Variants in ANKRD44 observed in about 807,000 individuals in gnomAD.
ANKRD44 encodes ankyrin repeat domain 44, also known as serine/threonine-protein phosphatase 6 regulatory ankyrin repeat subunit B.
Under a neutral mutation model 116.0 loss-of-function variants are expected in ANKRD44, and 35 were observed. The observed-to-expected ratio is 0.30, with a 90% CI of 0.23 to 0.40. ANKRD44 has a LOEUF of 0.40. ANKRD44 is among the 10% of genes least tolerant of loss of function. The probability of loss-of-function intolerance (pLI) is 1.00; values close to 1 mark genes in which losing one functional copy is unlikely to be tolerated. For synonymous variants in ANKRD44, 435 were observed against 461.8 expected (o/e 0.94, Z 0.74); for missense variants, 1,014 against 1,242.6 (o/e 0.82, Z 2.77).
rs752754385 is a variant in ANKRD44, at chr2:197,013,712, C to A, written c.1723G>T (p.Ala575Ser). The change falls in exon 18 of 28, where the codon GCC becomes TCC. Residue 575 changes from alanine (A) to serine (S), a missense_variant and splice_region_variant. Ala to Ser is a moderately conservative substitution (Grantham distance 99). Transcript: ENST00000282272. ...AAGGCTTGATGGTGCCCATTGTAGGCCTGCAAAGAAGAAACCAATGGCTCC... is the reference window on the plus strand; with the variant it reads ...AAGGCTTGATGGTGCCCATTGTAGGACTGCAAAGAAGAAACCAATGGCTCC... ...GATKSPLHLA[A>S]YNGHHQALEV... The A allele has an allele frequency of 1.7e-5, 27 of 1,612,418 alleles. No homozygotes were observed. The South Asian group carries it at 2.7e-4, about 16-fold the overall frequency.
At chr2:197,160,472 C>T (rs1451658881) in intron 2 of ANKRD44, among the ~76,000 whole-genome samples, 1 of 152,114 alleles carries the variant, frequency 6.6e-6, no homozygotes, top group Non-Finnish European at 1.5e-5. Context: ...CAGTGCTTGC[C>T]TGCCTCCTCT....
chr2:197,164,247 C>T (rs1180410374), intron 2 of ANKRD44, among the ~76,000 whole-genome samples: 10 of 152,200 alleles, frequency 6.6e-5, no homozygotes, highest in Admixed American at 5.9e-4. Context: ...GAGGCCTGGC[C>T]TCTGACACCG....
intron 8 of ANKRD44, among the ~76,000 whole-genome samples, chr2:197,116,744 T>C (rs2078720544): frequency 6.6e-6 from 1 of 152,198 alleles, no homozygotes. Context: ...CAATCACCTT[T>C]ACATGAATGA....
At chr2:196,979,676 C>T (rs2075787139) in intron 21 of ANKRD44, among the ~76,000 whole-genome samples, 1 of 150,222 alleles carries the variant, frequency 6.7e-6, no homozygotes, top group African/African-American at 2.5e-5. Context: ...GATTCTCCTG[C>T]CTCAGCCTCC....
intron 16 of ANKRD44, among the ~76,000 whole-genome samples, chr2:197,027,475 G>A (rs1488118118): frequency 1.3e-5 from 2 of 152,056 alleles, no homozygotes; most frequent in Non-Finnish European, 2.9e-5. Flanking sequence ...AAGAGACGGG[G>A]TCCCAGGACT....
At chr2:197,235,899 G>C (rs1373773277) in intron 1 of ANKRD44, among the ~76,000 whole-genome samples, 1 of 152,098 alleles carries the variant, frequency 6.6e-6, no homozygotes, top group Non-Finnish European at 1.5e-5. Context: ...ATTGTGATTA[G>C]GGCCCTCAGC....
In ANKRD44 at chr2:197,034,050, T is replaced by TAGAGAGAGAGAGAGAGAGAGAGAGAG. The variant is rs60018972; in HGVS notation, c.1651-8809_1651-8784dup. ...TGTCTCAGGGGAGGCATATGAGGGCTAGAGAGAGAGAGAGAGAGAGAGAGA... is the reference window on the plus strand; with the variant it reads ...TGTCTCAGGGGAGGCATATGAGGGCTAGAGAGAGAGAGAGAGAGAGAGAGAGAGAGAGAGAGAGAGAGAGAGAGAGA... On this transcript the variant is annotated intron_variant, in intron 16 of 27. Coordinates refer to ENST00000282272, the MANE Select transcript of ANKRD44 (RefSeq NM_001195144.2). 1.8e-4 allele frequency among the ~76,000 whole-genome samples: 20 copies of TAGAGAGAGAGAGAGAGAGAGAGAGAG among 110,658 alleles called. 1 individual carries two copies. The highest frequency in any genetic ancestry group is 6.1e-4 in the Admixed American group (6 of 9,818). The allele number at this position is 110,658 out of a possible 152,430, so 72.6% of individuals were successfully genotyped here.
chr2:197,045,057 T>C (rs1190862013), intron 16 of ANKRD44, among the ~76,000 whole-genome samples: 1 of 151,858 alleles, frequency 6.6e-6, no homozygotes, highest in Non-Finnish European at 1.5e-5. Flanking sequence ...TTTCTATAAT[T>C]GCACAGTTTA....
intron 1 of ANKRD44, among the ~76,000 whole-genome samples, chr2:197,204,078 A>G (rs1559147290): frequency 6.6e-6 from 1 of 152,232 alleles, no homozygotes; most frequent in Non-Finnish European, 1.5e-5. Flanking sequence ...AAAATGGTAA[A>G]TATCATGTTA....
intron 9 of ANKRD44, among the ~76,000 whole-genome samples, chr2:197,106,263 G>A (rs575752392): frequency 4.0e-5 from 6 of 151,858 alleles, no homozygotes; most frequent in South Asian, 4.2e-4. Context: ...CCAATATGGC[G>A]AAACCCCATC....
chr2:197,108,484 A>G (rs978126514), intron 9 of ANKRD44, among the ~76,000 whole-genome samples: 2 of 152,166 alleles, frequency 1.3e-5, no homozygotes, highest in African/African-American at 4.8e-5. Flanking sequence ...GTTCTGAAAC[A>G]AAGATCCCCT....
At chr2:197,105,254 T>G (rs1459732678) in intron 9 of ANKRD44, among the ~76,000 whole-genome samples, 1 of 152,004 alleles carries the variant, frequency 6.6e-6, no homozygotes, top group African/African-American at 2.4e-5. Flanking sequence ...GCTGGGATTA[T>G]AAGCACATGC....
intron 16 of ANKRD44, among the ~76,000 whole-genome samples, chr2:197,036,500 C>A (rs2076810318): frequency 6.6e-6 from 1 of 152,134 alleles, no homozygotes. Context: ...CTCAAATGAT[C>A]CACCTCAGCC....
At chr2:197,195,754 G>A (rs1475987714) in intron 1 of ANKRD44, among the ~76,000 whole-genome samples, 3 of 152,238 alleles carry the variant, frequency 2.0e-5, no homozygotes, top group East Asian at 1.9e-4. Context: ...TCACTTGATC[G>A]CTGAATTTAA....
intron 21 of ANKRD44, among the ~76,000 whole-genome samples, chr2:196,976,774 A>G (rs1426711857): frequency 3.3e-5 from 5 of 152,046 alleles, no homozygotes; most frequent in Admixed American, 2.6e-4. Context: ...GGCTGAAGCC[A>G]GAAGGATCAC....
chr2:197,072,439 T>C (rs1045574863), intron 16 of ANKRD44, among the ~76,000 whole-genome samples: 1 of 152,242 alleles, frequency 6.6e-6, no homozygotes, highest in Admixed American at 6.5e-5. Flanking sequence ...TGAGCTGGTA[T>C]TGGAAAGTAA....
chr2:197,064,913 G>A (rs1325774573), intron 16 of ANKRD44, among the ~76,000 whole-genome samples: 2 of 152,080 alleles, frequency 1.3e-5, no homozygotes, highest in Non-Finnish European at 2.9e-5. Context: ...AAGTTAAAAA[G>A]GATATCCAGG....
rs375962267 is a variant in ANKRD44, at chr2:197,003,932, A to C, written c.2347+1762T>G. On this transcript the variant is annotated intron_variant, in intron 21 of 27. Coordinates refer to ENST00000282272, the MANE Select transcript of ANKRD44 (RefSeq NM_001195144.2). ...CTTACTGAGCAGAATGAATGAAAAA[A>C]GAGGACCGTAGTGAAAACACAGTAA... Among the ~76,000 whole-genome samples the C allele has an allele frequency of 3.9e-5, 6 of 152,308 alleles. No individual in the cohort carries two copies. In the East Asian group the frequency reaches 9.6e-4, roughly 24 times the overall value.
At chr2:197,260,885 G>T (rs2082585312) in intron 1 of ANKRD44, among the ~76,000 whole-genome samples, 1 of 15,178 alleles carries the variant, frequency 6.6e-5, no homozygotes. Flanking sequence ...TGTCTGAGAA[G>T]TGTCTGTTCA....
Sources: allele counts gnomAD v4.1 joint callset (sites outside exome capture counted in the v4.1 genomes callset), GRCh38; gene constraint gnomAD v4.1.1; transcripts MANE v1.5; gene names NCBI Gene and HGNC (gene_info 2026-07-23, HGNC 2026-07-21).